Variants in CNTN5 observed in about 807,000 individuals in gnomAD.
CNTN5 encodes contactin-5.
Under a neutral mutation model 129.1 loss-of-function variants are expected in CNTN5, and 77 were observed. That is an observed-to-expected ratio of 0.60 (90% CI 0.50 to 0.72). The LOEUF is 0.72. Among genes scored for constraint, CNTN5 ranks in the 30% least tolerant of loss-of-function variants. CNTN5 has a pLI of 0.00. For missense variants in CNTN5, 1,478 were observed against 1,328.8 expected, an observed-to-expected ratio of 1.11 and a Z score of -1.75; for synonymous variants, 509 against 465.6, an observed-to-expected ratio of 1.09 and a Z score of -1.20.
At chr11:99,344,344 T>C (rs1866657183) in intron 2 of CNTN5, among the ~76,000 whole-genome samples, 1 of 151,190 alleles carries the variant, frequency 6.6e-6, no homozygotes. Context: ...AAAAAATTGA[T>C]CCTCACTTTC....
chr11:99,305,236 A>C (rs1446184699), intron 1 of CNTN5, among the ~76,000 whole-genome samples: 1 of 152,216 alleles, frequency 6.6e-6, no homozygotes, highest in Non-Finnish European at 1.5e-5. Flanking sequence ...TTATGAGATA[A>C]AAAAGAATAC....
chr11:99,839,711 C>T (rs780545714), intron 4 of CNTN5, among the ~76,000 whole-genome samples: 13 of 151,588 alleles, frequency 8.6e-5, no homozygotes, highest in Non-Finnish European at 1.6e-4. Flanking sequence ...TTTTGGAGCT[C>T]GGGAAACAAA....
At chr11:99,910,715 A>T (rs890433472) in intron 6 of CNTN5, among the ~76,000 whole-genome samples, 1 of 152,130 alleles carries the variant, frequency 6.6e-6, no homozygotes, top group African/African-American at 2.4e-5. Context: ...AGCCTGGCAT[A>T]GAGTAGGTAT....
At chr11:99,139,113 C>CCA (rs1565348598) in intron 1 of CNTN5, among the ~76,000 whole-genome samples, 2 of 140,604 alleles carry the variant, frequency 1.4e-5, no homozygotes. Context: ...CCCCCCCCCC[C>CCA]AAAAATTAGC....
At chr11:99,320,253 T>C (rs1280492519) in intron 1 of CNTN5, among the ~76,000 whole-genome samples, 1 of 151,914 alleles carries the variant, frequency 6.6e-6, no homozygotes, top group Non-Finnish European at 1.5e-5. Flanking sequence ...AATAAACAAA[T>C]AAATAAATGG....
At chr11:99,715,839 T>C (rs1955196255) in intron 3 of CNTN5, among the ~76,000 whole-genome samples, 1 of 151,938 alleles carries the variant, frequency 6.6e-6, no homozygotes, top group Non-Finnish European at 1.5e-5. Context: ...ATGTCTAATA[T>C]ATTGGGAAAG....
chr11:100,357,268 C>T lies in CNTN5; in HGVS notation c.*1048C>T, dbSNP rs1241413871. On this transcript the variant is annotated 3_prime_UTR_variant, in exon 25 of 25. Transcript: ENST00000524871. ...TAAAAACAGTTCCATGCATCACATA[C>T]CACTGATAAAATCAACTAGTAAAAT... 2 of 151,710 alleles carry T rather than the reference C, an allele frequency of 1.3e-5. No homozygotes were observed. Among genetic ancestry groups the T allele is most frequent in the East Asian group, 3.9e-4 (2 of 5,184 alleles). 9.4% of individuals were successfully genotyped at this position (151,710 alleles called of 1,614,324 possible). A position where few individuals can be genotyped will look rare whatever the true frequency, so the allele number is the denominator to read the frequency against.
chr11:99,056,995 A>C (rs1029832115), intron 1 of CNTN5, among the ~76,000 whole-genome samples: 2 of 152,052 alleles, frequency 1.3e-5, no homozygotes, highest in African/African-American at 4.8e-5. Context: ...ACTCACCTGG[A>C]ATACAAGGTA....
rs12274715 is a variant in CNTN5, at chr11:99,051,596, G to A, written c.-210+30326G>A. ...ACAGCAGGTATTGATTACCCACTGCGTTGAGAGCATTGTACTGTGTATTGT... is the reference window on the plus strand; with the variant it reads ...ACAGCAGGTATTGATTACCCACTGCATTGAGAGCATTGTACTGTGTATTGT... On this transcript the variant is annotated intron_variant, in intron 1 of 24. Transcript: ENST00000524871. Among the ~76,000 whole-genome samples the A allele has an allele frequency of 2.8e-3, 427 of 151,966 alleles. 3 individuals carry two copies. Among genetic ancestry groups the A allele is most frequent in the African/African-American group, 9.4e-3 (390 of 41,492 alleles).
intron 3 of CNTN5, among the ~76,000 whole-genome samples, chr11:99,804,424 T>G (rs950251573): frequency 6.6e-6 from 1 of 151,936 alleles, no homozygotes; most frequent in African/African-American, 2.4e-5. Flanking sequence ...CATTTTACTC[T>G]TCAAAATTAC....
intron 4 of CNTN5, among the ~76,000 whole-genome samples, chr11:99,835,110 G>A (rs551701635): frequency 6.6e-6 from 1 of 152,184 alleles, no homozygotes; most frequent in Non-Finnish European, 1.5e-5. Context: ...CCAGATTATT[G>A]AGTCCTACTT....
intron 6 of CNTN5, among the ~76,000 whole-genome samples, chr11:99,901,998 A>G (rs1298554845): frequency 6.6e-6 from 1 of 152,318 alleles, no homozygotes; most frequent in East Asian, 1.9e-4. Flanking sequence ...CTAAGGTTAC[A>G]TGGTTAATAA....
intron 1 of CNTN5, among the ~76,000 whole-genome samples, chr11:99,025,053 G>A (rs1196721584): frequency 6.6e-6 from 1 of 151,818 alleles, no homozygotes; most frequent in Non-Finnish European, 1.5e-5. Context: ...GTTGCCCAAT[G>A]GCCACTTTTT....
At chr11:99,764,693 T>G (rs967084362) in intron 3 of CNTN5, among the ~76,000 whole-genome samples, 3 of 152,110 alleles carry the variant, frequency 2.0e-5, no homozygotes, top group Admixed American at 2.0e-4. Flanking sequence ...TGAAATCAAT[T>G]TTTAAAAACC....
intron 2 of CNTN5, among the ~76,000 whole-genome samples, chr11:99,548,614 G>A (rs183949724): frequency 2.0e-5 from 3 of 152,252 alleles, no homozygotes; most frequent in Admixed American, 6.5e-5. Flanking sequence ...GACATCCTCC[G>A]GCTAATGGAT....
chr11:99,131,108 A>T (rs1858910040), intron 1 of CNTN5, among the ~76,000 whole-genome samples: 1 of 2,440 alleles, frequency 4.1e-4, no homozygotes, highest in Non-Finnish European at 6.2e-4. Context: ...TAAAAATACA[A>T]AAAATTACAG....
At chr11:99,282,176 G>A (rs1863729201) in intron 1 of CNTN5, among the ~76,000 whole-genome samples, 1 of 151,970 alleles carries the variant, frequency 6.6e-6, no homozygotes, top group South Asian at 2.1e-4. Flanking sequence ...CCTACAATAA[G>A]AGAGATTGTC....
chr11:99,561,720 A>AT (rs1206517971), intron 3 of CNTN5, among the ~76,000 whole-genome samples: 2 of 630 alleles, frequency 3.2e-3, no homozygotes, highest in Non-Finnish European at 0.02. Context: ...AAAACCTATA[A>AT]CCCCAAAACT....
intron 17 of CNTN5, among the ~76,000 whole-genome samples, chr11:100,266,143 C>A (rs1460125951): frequency 5.3e-5 from 8 of 152,022 alleles, no homozygotes; most frequent in Admixed American, 5.2e-4. Flanking sequence ...GTGGTCTCAG[C>A]ACTTTGGGAC....
Sources: allele counts gnomAD v4.1 joint callset (sites outside exome capture counted in the v4.1 genomes callset), GRCh38; gene constraint gnomAD v4.1.1; transcripts MANE v1.5; gene names NCBI Gene and HGNC (gene_info 2026-07-23, HGNC 2026-07-21).